The following FARS2 variants were observed in gnomAD, a reference collection of about 807,000 sequenced individuals.
FARS2 encodes the protein phenylalanyl-tRNA synthetase 2, mitochondrial, also known as phenylalanine--tRNA ligase, mitochondrial.
A neutral mutation model predicts 46.4 loss-of-function variants in FARS2; 40 were observed. The observed-to-expected ratio is 0.86, with a 90% CI of 0.67 to 1.12. The LOEUF is 1.12. FARS2 is among the 50% of genes most tolerant of loss of function. The probability of loss-of-function intolerance (pLI) is 0.00; values close to 1 mark genes in which losing one functional copy is unlikely to be tolerated. For missense variants in FARS2, 513 were observed against 567.9 expected (o/e 0.90, Z 0.98); for synonymous variants, 234 against 214.9 (o/e 1.09, Z -0.78).
intron 6 of FARS2, among the ~76,000 whole-genome samples, chr6:5,714,908 C>T (rs1418334347): frequency 6.6e-6 from 1 of 152,036 alleles, no homozygotes; most frequent in Non-Finnish European, 1.5e-5. Flanking sequence ...GCCTCTAATC[C>T]CAGCTGCTGA....
chr6:5,546,014 G>A (rs1027991800), intron 5 of FARS2, among the ~76,000 whole-genome samples: 11 of 152,042 alleles, frequency 7.2e-5, no homozygotes, highest in Admixed American at 2.0e-4. Flanking sequence ...TGTAGTCCCA[G>A]CTACTTGGGA....
intron 6 of FARS2, among the ~76,000 whole-genome samples, chr6:5,761,069 C>T (rs766048858): frequency 2.0e-5 from 3 of 152,224 alleles, no homozygotes; most frequent in African/African-American, 4.8e-5. Context: ...ACCAGTACCT[C>T]TGGTGACGTT....
chr6:5,458,603 A>T (rs1448128471), intron 4 of FARS2, among the ~76,000 whole-genome samples: 1 of 152,006 alleles, frequency 6.6e-6, no homozygotes, highest in African/African-American at 2.4e-5. Flanking sequence ...TATATAATCC[A>T]CCTCATACAC....
Position 5,359,029 on chromosome 6 carries a change from C to CTTTTTTTTTTTTTTTTTTTTTTTTTTTT in FARS2, c.-21-9521_-21-9520insTTTTTTTTTTTTTTTTTTTTTTTTTTTT, listed in dbSNP as rs764897456. 3.2e-4 allele frequency among the ~76,000 whole-genome samples: 23 copies of CTTTTTTTTTTTTTTTTTTTTTTTTTTTT among 72,516 alleles called. 11 individuals carry two copies. The highest frequency in any genetic ancestry group is 3.9e-4 in the Admixed American group (2 of 5,186). 47.6% of individuals were successfully genotyped at this position (72,516 alleles called of 152,430 possible). ...TCGAATTATAGTGATGAAAAGATACCCTTTTTTTTTTTTTTTTTTTTTTTT... is the reference window on the plus strand; with the variant it reads ...TCGAATTATAGTGATGAAAAGATACCTTTTTTTTTTTTTTTTTTTTTTTTTTTTCTTTTTTTTTTTTTTTTTTTTTTTT... On this transcript the variant is annotated intron_variant, in intron 1 of 6. Transcript: ENST00000274680.
At position 5,426,134 on chromosome 6, in the gene FARS2, C is replaced by T. The variant is rs114481988; in HGVS notation, c.773-4907C>T. ...GAGTTCTGAAGCCGTTAAAAAAGCT[C>T]TGAGCTTCATCTGTGTGGTTTAGGA... On this transcript the variant is annotated intron_variant, in intron 3 of 6. Transcript: ENST00000274680. 8.4e-3 allele frequency among the ~76,000 whole-genome samples: 1,278 copies of T among 152,082 alleles called. 19 individuals carry two copies. The highest frequency in any genetic ancestry group is 0.029 in the African/African-American group (1,211 of 41,478).
chr6:5,737,376 C>A (rs1304231188), intron 6 of FARS2, among the ~76,000 whole-genome samples: 1 of 152,162 alleles, frequency 6.6e-6, no homozygotes, highest in Non-Finnish European at 1.5e-5. Flanking sequence ...ACTAAAAATA[C>A]AAAAATTAAC....
chr6:5,608,741 G>T (rs1421284594), intron 5 of FARS2, among the ~76,000 whole-genome samples: 1 of 151,950 alleles, frequency 6.6e-6, no homozygotes, highest in Non-Finnish European at 1.5e-5. Flanking sequence ...CTACACCAAG[G>T]TTTCTGAAGA....
At chr6:5,335,487 T>C (rs1233629249) in intron 1 of FARS2, among the ~76,000 whole-genome samples, 1 of 151,328 alleles carries the variant, frequency 6.6e-6, no homozygotes, top group Non-Finnish European at 1.5e-5. Context: ...TTTACCAATA[T>C]TGAAATGTAG....
chr6:5,454,533 AT>A (rs1204364805), intron 4 of FARS2, among the ~76,000 whole-genome samples: 1 of 151,956 alleles, frequency 6.6e-6, no homozygotes, highest in African/African-American at 2.4e-5. Flanking sequence ...TTTAGTAGAT[AT>A]GGGGTTTCAC....
intron 2 of FARS2, among the ~76,000 whole-genome samples, chr6:5,399,422 T>TTTGGGA (rs1761120043): frequency 6.6e-6 from 1 of 152,006 alleles, no homozygotes; most frequent in South Asian, 2.1e-4. Flanking sequence ...GTGATCCTCC[T>TTTGGGA]GCCTTGGCCT....
intron 6 of FARS2, among the ~76,000 whole-genome samples, chr6:5,769,316 TCAGCACTTGGTGG>T (rs1762910254): frequency 6.6e-6 from 1 of 152,196 alleles, no homozygotes; most frequent in African/African-American, 2.4e-5. Context: ...ATGGAATGGG[TCAGCACTTGGTGG>T]CAGCAGGGGT....
chr6:5,584,134 C>CACACACACACACACAA (rs1274944554), intron 5 of FARS2, among the ~76,000 whole-genome samples: 4 of 151,294 alleles, frequency 2.6e-5, no homozygotes, highest in African/African-American at 9.7e-5. Flanking sequence ...CACACACACA[C>CACACACACACACACAA]ACACACACTC....
chr6:5,409,942 T>G (rs1761838947), intron 3 of FARS2, among the ~76,000 whole-genome samples: 1 of 152,126 alleles, frequency 6.6e-6, no homozygotes, highest in Non-Finnish European at 1.5e-5. Flanking sequence ...TCCGCTGTAT[T>G]GCCTCTCAGG....
chr6:5,513,164 G>A (rs542221972), intron 4 of FARS2, among the ~76,000 whole-genome samples: 9 of 152,234 alleles, frequency 5.9e-5, no homozygotes, highest in Non-Finnish European at 1.3e-4. Flanking sequence ...GGAATCCAGA[G>A]GTCAAAATCA....
intron 5 of FARS2, among the ~76,000 whole-genome samples, chr6:5,612,344 A>G (rs780711866): frequency 1.4e-4 from 21 of 152,220 alleles, no homozygotes; most frequent in Non-Finnish European, 1.6e-4. Flanking sequence ...TTTAGCAGAT[A>G]TTTCCTTAGG....
At chr6:5,469,681 G>A (rs1280973091) in intron 4 of FARS2, among the ~76,000 whole-genome samples, 2 of 152,302 alleles carry the variant, frequency 1.3e-5, no homozygotes, top group Non-Finnish European at 2.9e-5. Context: ...AATTAAAGGC[G>A]ATGGAAAAAT....
intron 4 of FARS2, among the ~76,000 whole-genome samples, chr6:5,484,626 C>A (rs1340411618): frequency 6.6e-6 from 1 of 152,200 alleles, no homozygotes; most frequent in African/African-American, 2.4e-5. Context: ...TCACGTGTAA[C>A]CTCTGGGAAA....
At chr6:5,395,153 C>T (rs865794769) in intron 2 of FARS2, among the ~76,000 whole-genome samples, 76 of 152,180 alleles carry the variant, frequency 5.0e-4, no homozygotes, top group African/African-American at 1.8e-3. Flanking sequence ...TAGGTTCAAG[C>T]GATTCTCCTG....
chr6:5,668,445 G>GA (rs1372754644), intron 6 of FARS2, among the ~76,000 whole-genome samples: 2 of 152,174 alleles, frequency 1.3e-5, no homozygotes, highest in Non-Finnish European at 2.9e-5. Flanking sequence ...GAAATGGCTG[G>GA]TCCCCTGGTC....
Sources: allele counts gnomAD v4.1 joint callset (sites outside exome capture counted in the v4.1 genomes callset), GRCh38; gene constraint gnomAD v4.1.1; transcripts MANE v1.5; gene names NCBI Gene and HGNC (gene_info 2026-07-23, HGNC 2026-07-21).